ROBO1: variants seen among roughly 807,000 people sequenced by gnomAD.
The protein encoded by ROBO1 is roundabout homolog 1.
A neutral mutation model predicts 195.9 loss-of-function variants in ROBO1; 149 were observed. That is an observed-to-expected ratio of 0.76 (90% CI 0.67 to 0.87). The LOEUF (loss-of-function observed/expected upper bound fraction) is 0.87, where lower values mean the gene tolerates loss of function less well. Among genes scored for constraint, ROBO1 ranks in the 40% least tolerant of loss-of-function variants. The pLI, the probability that ROBO1 is intolerant of heterozygous loss-of-function variation, is 0.00. For missense variants in ROBO1, 1,933 were observed against 2,068.3 expected, an observed-to-expected ratio of 0.93 and a Z score of 1.27; for synonymous variants, 816 against 733.2, an observed-to-expected ratio of 1.11 and a Z score of -1.82.
At chr3:79,063,851 C>G (rs917869368) in intron 3 of ROBO1, among the ~76,000 whole-genome samples, 1 of 151,794 alleles carries the variant, frequency 6.6e-6, no homozygotes. Context: ...AAAAGACAGA[C>G]ATCACTTAAT....
intron 2 of ROBO1, among the ~76,000 whole-genome samples, chr3:79,436,249 T>C (rs961132419): frequency 1.3e-5 from 2 of 152,198 alleles, no homozygotes; most frequent in African/African-American, 4.8e-5. Flanking sequence ...AGTTTGCCTT[T>C]AAAAGACTAA....
chr3:79,712,496 T>A (rs901918052), intron 1 of ROBO1, among the ~76,000 whole-genome samples: 7 of 152,038 alleles, frequency 4.6e-5, no homozygotes, highest in Non-Finnish European at 8.8e-5. Flanking sequence ...GAAGAAGAAT[T>A]GGAAGCTAGC....
chr3:79,543,610 A>G (rs1356440487), intron 2 of ROBO1, among the ~76,000 whole-genome samples: 1 of 152,120 alleles, frequency 6.6e-6, no homozygotes, highest in Non-Finnish European at 1.5e-5. Context: ...TGCTGGGTGA[A>G]TAGTTCAGAA....
intron 2 of ROBO1, among the ~76,000 whole-genome samples, chr3:79,225,461 G>A (rs1206436186): frequency 6.6e-6 from 1 of 152,172 alleles, no homozygotes; most frequent in African/African-American, 2.4e-5. Context: ...CATTTGCCGT[G>A]TGTTTAGAAC....
At chr3:79,205,061 T>A (rs528429585) in intron 2 of ROBO1, among the ~76,000 whole-genome samples, 29 of 152,206 alleles carry the variant, frequency 1.9e-4, no homozygotes, top group African/African-American at 6.3e-4. Flanking sequence ...GGCGTGATCA[T>A]GGCTCACAGC....
intron 4 of ROBO1, among the ~76,000 whole-genome samples, chr3:78,772,660 A>G (rs115103957): frequency 0.014 from 2,155 of 152,138 alleles, 22 homozygotes; most frequent in Non-Finnish European, 0.025. Flanking sequence ...GAGACAGTAG[A>G]CCCTATTTTC....
intron 1 of ROBO1, among the ~76,000 whole-genome samples, chr3:79,668,274 A>T (rs992949788): frequency 6.6e-6 from 1 of 151,704 alleles, no homozygotes; most frequent in Non-Finnish European, 1.5e-5. Flanking sequence ...CTGTTTGGGA[A>T]GCATGGTTCC....
chr3:78,689,472 T>C (rs1260768834), intron 8 of ROBO1, among the ~76,000 whole-genome samples: 2 of 152,002 alleles, frequency 1.3e-5, no homozygotes, highest in African/African-American at 2.4e-5. Flanking sequence ...GTCAATTACA[T>C]TGAATACAAT....
chr3:79,047,801 G>A (rs969658953), intron 3 of ROBO1, among the ~76,000 whole-genome samples: 2 of 151,990 alleles, frequency 1.3e-5, no homozygotes, highest in African/African-American at 2.4e-5. Flanking sequence ...TACAAATGAG[G>A]ACGTCCTAGA....
At chr3:79,472,038 A>G (rs529613278) in intron 2 of ROBO1, among the ~76,000 whole-genome samples, 10 of 152,232 alleles carry the variant, frequency 6.6e-5, no homozygotes, top group South Asian at 4.1e-4. Flanking sequence ...TACCTATGTA[A>G]CAAAACTGCA....
intron 3 of ROBO1, among the ~76,000 whole-genome samples, chr3:79,013,868 C>T (rs913776636): frequency 3.3e-5 from 5 of 152,168 alleles, no homozygotes; most frequent in African/African-American, 7.2e-5. Flanking sequence ...TTTCTTATTG[C>T]ACCTAGAGTT....
chr3:79,218,413 T>C (rs1182078207), intron 2 of ROBO1, among the ~76,000 whole-genome samples: 3 of 151,970 alleles, frequency 2.0e-5, no homozygotes, highest in African/African-American at 7.2e-5. Flanking sequence ...AGTACCTGCC[T>C]GGACCCTGTA....
intron 4 of ROBO1, among the ~76,000 whole-genome samples, chr3:78,929,110 C>T (rs1430064515): frequency 6.6e-6 from 1 of 152,050 alleles, no homozygotes; most frequent in Non-Finnish European, 1.5e-5. Flanking sequence ...TGATCATAAA[C>T]TTTTATTTCT....
chr3:78,781,090 C>T (rs920643934), intron 4 of ROBO1, among the ~76,000 whole-genome samples: 6 of 152,130 alleles, frequency 3.9e-5, no homozygotes, highest in Non-Finnish European at 5.9e-5. Flanking sequence ...AAACGGATTT[C>T]AGCAATATCA....
chr3:78,638,859 C>T (rs762287429), intron 22 of ROBO1, among the ~76,000 whole-genome samples: 19 of 150,578 alleles, frequency 1.3e-4, no homozygotes, highest in Admixed American at 6.0e-4. Context: ...AGGTGAAGAG[C>T]GAGATTCTAT....
At chr3:79,550,201 GAAAAGA>G (rs1942450535) in intron 2 of ROBO1, among the ~76,000 whole-genome samples, 3 of 23,216 alleles carry the variant, frequency 1.3e-4, no homozygotes, top group African/African-American at 1.8e-4. Context: ...GAAAGGAAAA[GAAAAGA>G]AAAGAAAAGA....
chr3:79,031,693 A>G (rs2078298382), intron 3 of ROBO1, among the ~76,000 whole-genome samples: 2 of 152,276 alleles, frequency 1.3e-5, no homozygotes, highest in South Asian at 4.1e-4. Context: ...AGCGCTTGTA[A>G]CGGAATTAGC....
chr3:79,387,365 TAA>T (rs2095071106), intron 2 of ROBO1, among the ~76,000 whole-genome samples: 1 of 151,634 alleles, frequency 6.6e-6, no homozygotes, highest in South Asian at 2.1e-4. Flanking sequence ...ATAAAATTTT[TAA>T]AAGATTGTGT....
intron 1 of ROBO1, among the ~76,000 whole-genome samples, chr3:79,666,834 C>T (rs920331534): frequency 6.6e-6 from 1 of 151,902 alleles, no homozygotes; most frequent in Non-Finnish European, 1.5e-5. Context: ...CAAAATCTGA[C>T]TTTAAAGATC....
Sources: allele counts gnomAD v4.1 joint callset (sites outside exome capture counted in the v4.1 genomes callset), GRCh38; gene constraint gnomAD v4.1.1; transcripts MANE v1.5; gene names NCBI Gene and HGNC (gene_info 2026-07-23, HGNC 2026-07-21).